Variants in RYR3 observed in about 807,000 individuals in gnomAD.
RYR3 encodes brain ryanodine receptor-calcium release channel.
Under a neutral mutation model 584.3 loss-of-function variants are expected in RYR3, and 207 were observed. The observed-to-expected ratio is 0.35, with a 90% CI of 0.32 to 0.40. RYR3 has a LOEUF of 0.40. Among genes scored for constraint, RYR3 ranks in the 10% least tolerant of loss-of-function variants. The pLI is 1.00. For synonymous variants in RYR3, 2,416 were observed against 2,248.5 expected (o/e 1.07, Z -2.11); for missense variants, 5,616 against 6,089.2 (o/e 0.92, Z 2.59).
chr15:33,748,199 G>A lies in RYR3; in HGVS notation c.8075G>A (p.Gly2692Glu). ...VGWTVERTKE[G>E]EALVQQRENE... ...TGGACTGTGGAGAGGACCAAAGAGG[G>A]AGAAGCTTTGGTTCAACAGCGGGAA... The change falls in exon 54 of 104, where the codon GGA (glycine) becomes GAA (glutamate). Residue 2692 changes from glycine to glutamate, a missense_variant. Gly to Glu is a moderately conservative substitution (Grantham distance 98, BLOSUM62 -2). Coordinates refer to ENST00000634891, the MANE Select transcript of RYR3 (RefSeq NM_001036.6). 8 of 1,613,850 alleles carry A rather than the reference G, an allele frequency of 5.0e-6. No homozygotes were observed. Among genetic ancestry groups the A allele is most frequent in the Non-Finnish European group, 6.8e-6 (8 of 1,179,756 alleles).
chr15:33,512,782 G>T (rs568286207), intron 3 of RYR3, among the ~76,000 whole-genome samples: 1 of 152,140 alleles, frequency 6.6e-6, no homozygotes, highest in African/African-American at 2.4e-5. Context: ...GGTGGTGGTT[G>T]TTTCTATATT....
chr15:33,451,231 C>T (rs566683980), intron 1 of RYR3, among the ~76,000 whole-genome samples: 1 of 152,286 alleles, frequency 6.6e-6, no homozygotes, highest in South Asian at 2.1e-4. Flanking sequence ...GGCTTCCTTC[C>T]ACTTTCCCCC....
intron 67 of RYR3, among the ~76,000 whole-genome samples, chr15:33,796,567 T>C (rs2075637630): frequency 6.6e-6 from 1 of 152,262 alleles, no homozygotes; most frequent in Non-Finnish European, 1.5e-5. Context: ...GCTGCTCTTT[T>C]GGTTGTTGTT....
At chr15:33,853,430 A>C (rs1345584192) in intron 95 of RYR3, 125 bp from the exon 96 acceptor site, 12 of 1,228,304 alleles carry the variant, frequency 9.8e-6, no homozygotes, top group Non-Finnish European at 1.3e-5. Flanking sequence ...CTGCATTTTG[A>C]ACTATGTCTT....
rs750630801 is a variant in RYR3 at position 33,844,974 on chromosome 15, C to A, written c.13409C>A (p.Thr4470Asn). The change falls in exon 93 of 104, where the codon ACC (threonine) becomes AAC (asparagine). Residue 4470 changes from threonine to asparagine, a missense_variant. Thr to Asn is a moderately conservative substitution (Grantham distance 65). Transcript: ENST00000634891. The stretch of plus-strand genomic sequence containing the variant: ...GTATTCTTTGTCCTTCAGGAGAGCA[C>A]CGGGTATATGGCACCAACCCTGCGT... ...AMVFFVLQESTGYMAPTLRAL... is the reference protein window; with the variant it reads ...AMVFFVLQESNGYMAPTLRAL... 1.2e-6 allele frequency: 2 copies of A among 1,613,888 alleles called. No individual in the cohort carries two copies. Among genetic ancestry groups the A allele is most frequent in the Non-Finnish European group, 8.5e-7 (1 of 1,179,892 alleles).
rs1483831446 is a variant in RYR3, at chr15:33,696,291, G to A, written c.5934G>A (p.Leu1978=). 6.2e-7 allele frequency: 1 copy of A among 1,613,780 alleles called. No individual in the cohort carries two copies. Among genetic ancestry groups the A allele is most frequent in the East Asian group, 2.2e-5 (1 of 44,854 alleles). The change falls in exon 39 of 104, where the codon CTG becomes CTA. Residue 1978 remains leucine, a synonymous_variant. Coordinates refer to ENST00000634891, the MANE Select transcript of RYR3 (RefSeq NM_001036.6). The part of the protein sequence containing the change: ...AQEDQIQDSE[L]VRMMFNLLRR... ...AGGACCAGATCCAGGATTCAGAGCT[G>A]GTCCGAATGATGTTCAACCTCCTCC...
At chr15:33,343,822 T>C (rs1208593645) in intron 1 of RYR3, among the ~76,000 whole-genome samples, 3 of 152,228 alleles carry the variant, frequency 2.0e-5, no homozygotes, top group South Asian at 2.1e-4. Flanking sequence ...CCTATTTATT[T>C]GGCCCAGTTG....
intron 16 of RYR3, among the ~76,000 whole-genome samples, chr15:33,599,916 T>C (rs2059577405): frequency 6.6e-6 from 1 of 152,224 alleles, no homozygotes; most frequent in African/African-American, 2.4e-5. Context: ...CTGTTCCTAC[T>C]GTATGTGGAT....
At chr15:33,341,839 G>GA (rs1013583920) in intron 1 of RYR3, among the ~76,000 whole-genome samples, 9 of 132,110 alleles carry the variant, frequency 6.8e-5, no homozygotes, top group African/African-American at 1.9e-4. Context: ...CAAAAAGGTA[G>GA]AAAAAATTAA....
intron 27 of RYR3, among the ~76,000 whole-genome samples, chr15:33,638,220 C>T (rs1330646751): frequency 6.6e-6 from 1 of 152,122 alleles, no homozygotes; most frequent in East Asian, 1.9e-4. Context: ...AAGGAATGGC[C>T]TGTGTGCTGG....
chr15:33,415,498 C>T (rs1005276128), intron 1 of RYR3, among the ~76,000 whole-genome samples: 1 of 150,756 alleles, frequency 6.6e-6, no homozygotes, highest in Non-Finnish European at 1.5e-5. Flanking sequence ...AAGAGATACT[C>T]TTTTTTAAAA....
chr15:33,487,544 A>G (rs1179648464), intron 2 of RYR3, among the ~76,000 whole-genome samples: 2 of 152,142 alleles, frequency 1.3e-5, no homozygotes, highest in African/African-American at 2.4e-5. Context: ...TTACAAGTAC[A>G]AGCCTTGCTG....
intron 1 of RYR3, among the ~76,000 whole-genome samples, chr15:33,401,805 T>C (rs906561740): frequency 2.6e-5 from 4 of 152,214 alleles, no homozygotes; most frequent in Non-Finnish European, 5.9e-5. Flanking sequence ...TCTCTTTTTC[T>C]CAAATCTGTA....
At chr15:33,581,292 C>G (rs891973647) in intron 13 of RYR3, among the ~76,000 whole-genome samples, 2 of 152,074 alleles carry the variant, frequency 1.3e-5, no homozygotes, top group Non-Finnish European at 2.9e-5. Flanking sequence ...TGCTGACTCA[C>G]TCTCCAAATG....
intron 1 of RYR3, among the ~76,000 whole-genome samples, chr15:33,357,400 C>G (rs1189037529): frequency 2.0e-5 from 3 of 152,170 alleles, no homozygotes; most frequent in Non-Finnish European, 4.4e-5. Flanking sequence ...GGGTATCACT[C>G]TCCTCTCTAG....
At position 33,752,081 on chromosome 15, in the gene RYR3, C is replaced by T. The variant is rs141939546; in HGVS notation, c.8399+1795C>T. 2.6e-3 allele frequency among the ~76,000 whole-genome samples: 392 copies of T among 152,190 alleles called. 1 individual carries two copies. The highest frequency in any genetic ancestry group is 0.012 in the East Asian group (60 of 5,176). On this transcript the variant is annotated intron_variant, in intron 57 of 103. Transcript: ENST00000634891. ...TTCTGAGGTCTCTGTTCTATTCCAT[C>T]GGTCTATATCTCTGTTTTGGTACCA...
chr15:33,860,624 A>C lies in RYR3; in HGVS notation c.14329A>C (p.Arg4777=), dbSNP rs1887834212. The change falls in exon 101 of 104, where the codon AGA becomes CGA. Residue 4777 remains arginine, a synonymous_variant. Coordinates refer to ENST00000634891, the MANE Select transcript of RYR3 (RefSeq NM_001036.6). ...TATTATTGATGCTTTCGGAGAGCTA[A>C]GAGACCAGCAGGAACAAGTACGAGA... ...GLIIDAFGEL[R]DQQEQVREDM... The C allele has an allele frequency of 6.3e-7, 1 of 1,594,162 alleles. No individual in the cohort carries two copies. Among genetic ancestry groups the C allele is most frequent in the Admixed American group, 1.7e-5 (1 of 57,470 alleles).
At chr15:33,540,683 A>G (rs2055744708) in intron 6 of RYR3, 108 bp from the exon 7 acceptor site, 2 of 695,344 alleles carry the variant, frequency 2.9e-6, no homozygotes, top group Admixed American at 2.0e-5. Flanking sequence ...AGAAAGAACC[A>G]GATGACAGTA....
intron 1 of RYR3, among the ~76,000 whole-genome samples, chr15:33,455,873 C>A (rs2047513848): frequency 6.6e-6 from 1 of 152,146 alleles, no homozygotes; most frequent in African/African-American, 2.4e-5. Flanking sequence ...AGTGTATATG[C>A]AGCCACGAAG....
Sources: gnomAD v4.1 joint callset for allele counts (sites outside exome capture counted in the v4.1 genomes callset) on GRCh38, gnomAD v4.1.1 for gene constraint, MANE v1.5 for transcripts, NCBI Gene and HGNC (gene_info 2026-07-23, HGNC 2026-07-21) for gene names.